Variants in ZCCHC7 observed in about 807,000 individuals in gnomAD.
ZCCHC7 encodes the protein zinc finger CCHC domain-containing protein 7.
ZCCHC7 carries 35 observed loss-of-function variants against 52.0 expected under a neutral mutation model. That is an observed-to-expected ratio of 0.67 (90% CI 0.51 to 0.89). ZCCHC7 has a LOEUF of 0.89. Ranked by LOEUF, ZCCHC7 falls within the 40% of genes least tolerant of loss-of-function variation. The pLI, the probability that ZCCHC7 is intolerant of heterozygous loss-of-function variation, is 0.00. For missense variants in ZCCHC7, 574 were observed against 649.1 expected, an observed-to-expected ratio of 0.88 and a Z score of 1.26; for synonymous variants, 217 against 221.5, an observed-to-expected ratio of 0.98 and a Z score of 0.18.
intron 2 of ZCCHC7, among the ~76,000 whole-genome samples, chr9:37,154,081 G>C (rs1430923728): frequency 6.6e-6 from 1 of 151,896 alleles, no homozygotes; most frequent in Non-Finnish European, 1.5e-5. Context: ...GTAGAGATGA[G>C]GTCTCACTCT....
At position 37,304,257 on chromosome 9, in the gene ZCCHC7, ATC is replaced by A; in HGVS notation, c.726_727del (p.Ile242MetfsTer2). On this transcript the variant is annotated frameshift_variant, in exon 4 of 9. Coordinates refer to ENST00000336755, the MANE Select transcript of ZCCHC7 (RefSeq NM_032226.3). LOFTEE classifies it high-confidence loss of function. ...QRYYSANKNI[I>X]CRNCDKRGHL... is the part of the protein sequence containing the mutation. Reference sequence around the variant, plus strand: ...GTACTATTCAGCCAACAAAAACATTATCTGTAGAAATTGTGACAAACGTGGTC... The same window carrying A: ...GTACTATTCAGCCAACAAAAACATTATGTAGAAATTGTGACAAACGTGGTC... 1 of 1,614,054 alleles carries A rather than the reference ATC, an allele frequency of 6.2e-7. No homozygotes were observed. The highest frequency in any genetic ancestry group is 8.5e-7 in the Non-Finnish European group (1 of 1,179,954).
chr9:37,316,843 T>G (rs1829843351), intron 5 of ZCCHC7, among the ~76,000 whole-genome samples: 1 of 149,872 alleles, frequency 6.7e-6, no homozygotes, highest in African/African-American at 2.5e-5. Flanking sequence ...GAGCTGCCAG[T>G]ACTGGTGGGA....
chr9:37,326,212 A>T (rs1830233006), intron 5 of ZCCHC7: 1 of 152,202 alleles, frequency 6.6e-6, no homozygotes, highest in African/African-American at 2.4e-5. Flanking sequence ...TTGTGTGTAT[A>T]CATGTTTATA....
At chr9:37,355,121 T>C (rs1349675247) in intron 8 of ZCCHC7, among the ~76,000 whole-genome samples, 4 of 152,244 alleles carry the variant, frequency 2.6e-5, no homozygotes, top group Admixed American at 2.6e-4. Flanking sequence ...TTGAGATTTT[T>C]CTGTTTGACA....
intron 2 of ZCCHC7, among the ~76,000 whole-genome samples, chr9:37,268,967 G>A (rs1827253346): frequency 6.6e-6 from 1 of 152,204 alleles, no homozygotes; most frequent in South Asian, 2.1e-4. Context: ...AACGTAGTAT[G>A]GAGGCCAAGG....
At chr9:37,272,972 A>G (rs1001100965) in intron 2 of ZCCHC7, among the ~76,000 whole-genome samples, 2 of 152,232 alleles carry the variant, frequency 1.3e-5, no homozygotes, top group African/African-American at 4.8e-5. Flanking sequence ...GCTGCTAAGG[A>G]TATTCTTGTG....
chr9:37,283,594 AT>A (rs1366099886), intron 2 of ZCCHC7, among the ~76,000 whole-genome samples: 1 of 152,110 alleles, frequency 6.6e-6, no homozygotes, highest in East Asian at 1.9e-4. Context: ...ATATACTTTT[AT>A]TTGAAAATAT....
At chr9:37,295,393 G>A (rs1156627626) in intron 2 of ZCCHC7, among the ~76,000 whole-genome samples, 2 of 152,172 alleles carry the variant, frequency 1.3e-5, no homozygotes, top group African/African-American at 2.4e-5. Flanking sequence ...GGAATTTTAT[G>A]TGTATCCTGT....
At chr9:37,201,738 C>T (rs1823640617) in intron 2 of ZCCHC7, among the ~76,000 whole-genome samples, 2 of 152,170 alleles carry the variant, frequency 1.3e-5, no homozygotes, top group South Asian at 4.1e-4. Context: ...TTACCATGCA[C>T]AGGATGTGAA....
intron 2 of ZCCHC7, among the ~76,000 whole-genome samples, chr9:37,205,929 T>C (rs1379296362): frequency 2.0e-5 from 3 of 151,860 alleles, no homozygotes; most frequent in African/African-American, 4.8e-5. Flanking sequence ...AATTTGTACA[T>C]TTTGAAGCCC....
At chr9:37,313,057 A>G (rs1213102076) in intron 5 of ZCCHC7, among the ~76,000 whole-genome samples, 3 of 152,220 alleles carry the variant, frequency 2.0e-5, no homozygotes, top group Non-Finnish European at 4.4e-5. Flanking sequence ...ATTGGTATGT[A>G]CTTTCAGATA....
intron 6 of ZCCHC7, among the ~76,000 whole-genome samples, chr9:37,342,022 T>A (rs930963275): frequency 6.6e-6 from 1 of 152,192 alleles, no homozygotes; most frequent in African/African-American, 2.4e-5. Flanking sequence ...TGGTATGTTC[T>A]GATTTGCAGG....
In ZCCHC7 at chr9:37,349,451, A is replaced by G; in HGVS notation, c.1082A>G (p.His361Arg). 2 of 1,613,814 alleles carry G rather than the reference A, an allele frequency of 1.2e-6. No homozygotes were observed. The highest frequency in any genetic ancestry group is 1.7e-6 in the Non-Finnish European group (2 of 1,179,852). ...TGCGCGCAAAAAGGCCATTATGGAC[A>G]CGTAAGTTTGAGTGACATTTGGGCA... ...YHCAQKGHYGHECPEREVYDP... is the reference protein window; with the variant it reads ...YHCAQKGHYGRECPEREVYDP... Residue 361 changes from histidine (H) to arginine (R), a missense_variant and splice_region_variant, in exon 7 of 9, where the codon CAC becomes CGC. This residue lies in a region of ZCCHC7 where 403 missense variants were observed against 461.2 expected (regional missense o/e 0.87). Coordinates refer to ENST00000336755, the MANE Select transcript of ZCCHC7 (RefSeq NM_032226.3).
intron 2 of ZCCHC7, among the ~76,000 whole-genome samples, chr9:37,206,470 G>GC (rs1490914120): frequency 6.6e-6 from 1 of 151,982 alleles, no homozygotes. Flanking sequence ...TCCCACCTCA[G>GC]CCCCCCGAGT....
intron 2 of ZCCHC7, among the ~76,000 whole-genome samples, chr9:37,150,642 A>G (rs1820465866): frequency 6.6e-6 from 1 of 152,214 alleles, no homozygotes; most frequent in African/African-American, 2.4e-5. Flanking sequence ...TGCATCACAT[A>G]TAAATGTAAA....
chr9:37,242,813 G>A (rs966421518), intron 2 of ZCCHC7, among the ~76,000 whole-genome samples: 1 of 151,850 alleles, frequency 6.6e-6, no homozygotes, highest in Admixed American at 6.6e-5. Context: ...TAAATTAAAA[G>A]CTTTACATAC....
chr9:37,182,208 A>C (rs1822392632), intron 2 of ZCCHC7, among the ~76,000 whole-genome samples: 1 of 152,222 alleles, frequency 6.6e-6, no homozygotes, highest in African/African-American at 2.4e-5. Context: ...AAAAAATACA[A>C]AATTACAGTT....
intron 2 of ZCCHC7, among the ~76,000 whole-genome samples, chr9:37,226,785 C>CT (rs1016299821): frequency 2.4e-4 from 36 of 152,146 alleles, no homozygotes; most frequent in African/African-American, 8.4e-4. Flanking sequence ...AATCCCAGCA[C>CT]TTTGAGACAC....
intron 2 of ZCCHC7, among the ~76,000 whole-genome samples, chr9:37,219,771 A>G (rs1380925440): frequency 6.6e-6 from 1 of 152,208 alleles, no homozygotes; most frequent in Non-Finnish European, 1.5e-5. Context: ...TGTAAGTCTA[A>G]AAGTAAGTTT....
Sources: gnomAD v4.1 joint callset for allele counts (sites outside exome capture counted in the v4.1 genomes callset) on GRCh38, gnomAD v4.1.1 for gene constraint, gnomAD v4.1.1 regional missense constraint, MANE v1.5 for transcripts, NCBI Gene and HGNC (gene_info 2026-07-23, HGNC 2026-07-21) for gene names.